HEPHL1: variants seen among roughly 807,000 people sequenced by gnomAD.
The protein encoded by HEPHL1 is ferroxidase HEPHL1.
A neutral mutation model predicts 122.0 loss-of-function variants in HEPHL1; 123 were observed. That is an observed-to-expected ratio of 1.01 (90% confidence interval 0.87 to 1.17). HEPHL1 has a LOEUF of 1.17. Ranked by LOEUF, HEPHL1 falls within the 50% of genes most tolerant of loss-of-function variation. HEPHL1 has a pLI of 0.00. For synonymous variants in HEPHL1, 527 were observed against 508.9 expected, an observed-to-expected ratio of 1.04 and a Z score of -0.48; for missense variants, 1,452 against 1,430.5, an observed-to-expected ratio of 1.01 and a Z score of -0.24.
intron 2 of HEPHL1, among the ~76,000 whole-genome samples, chr11:94,050,632 A>G (rs138108239): frequency 1.3e-5 from 2 of 152,320 alleles, no homozygotes; most frequent in South Asian, 2.1e-4. Flanking sequence ...TGGAGTATCC[A>G]TCACCTCAAG....
chr11:94,057,494 T>C (rs1945948087), intron 2 of HEPHL1, among the ~76,000 whole-genome samples: 1 of 152,176 alleles, frequency 6.6e-6, no homozygotes, highest in African/African-American at 2.4e-5. Flanking sequence ...TAATTTCTAT[T>C]GATCTAGCTT....
intron 2 of HEPHL1, among the ~76,000 whole-genome samples, chr11:94,060,504 A>G (rs1317246703): frequency 1.3e-5 from 2 of 152,224 alleles, no homozygotes; most frequent in East Asian, 1.9e-4. Context: ...AGTCTCAACA[A>G]CTCTTAAGAG....
At chr11:94,087,173 C>G (rs893381670) in intron 11 of HEPHL1, among the ~76,000 whole-genome samples, 1 of 152,004 alleles carries the variant, frequency 6.6e-6, no homozygotes, top group Non-Finnish European at 1.5e-5. Flanking sequence ...ATGAATTACT[C>G]AAATCAAGAG....
intron 9 of HEPHL1, among the ~76,000 whole-genome samples, chr11:94,081,315 G>A (rs948935079): frequency 1.3e-5 from 2 of 152,302 alleles, no homozygotes; most frequent in Non-Finnish European, 2.9e-5. Flanking sequence ...GAGGGAGGAA[G>A]AGCATCAAGA....
At chr11:94,104,833 T>A in intron 16 of HEPHL1, 83 bp downstream of exon 16, 1 of 1,037,644 alleles carries the variant, frequency 9.6e-7, no homozygotes, top group Non-Finnish European at 1.4e-6. Flanking sequence ...CCAGCATCCT[T>A]CTCTGAGCCT....
Position 94,021,375 on chromosome 11 carries a change from C to T in HEPHL1, c.7C>T (p.Arg3Trp), listed in dbSNP as rs570654985. The T allele has an allele frequency of 5.0e-6, 8 of 1,611,356 alleles. No individual in the cohort carries two copies. The highest frequency in any genetic ancestry group is 1.3e-5 in the African/African-American group (1 of 74,924). MP[R>W]KQPAGCIFLL... ...GCTTGAGTTACATCCACAAATGCCT[C>T]GGAAGCAGCCAGCTGGCTGCATCTT... The change falls in exon 1 of 20, where the codon CGG (arginine) becomes TGG (tryptophan). Residue 3 changes from arginine (R) to tryptophan (W), a missense_variant. Physicochemically the swap from Arg to Trp is moderately radical, Grantham distance 101 (BLOSUM62 -3). Transcript: ENST00000315765.
chr11:94,095,081 C>G (rs186549563), intron 13 of HEPHL1, among the ~76,000 whole-genome samples: 1 of 152,194 alleles, frequency 6.6e-6, no homozygotes, highest in Non-Finnish European at 1.5e-5. Context: ...ATACCTATGT[C>G]CTGAGTAGTA....
At chr11:94,085,264 G>C (rs184462196) in intron 10 of HEPHL1, among the ~76,000 whole-genome samples, 9 of 152,130 alleles carry the variant, frequency 5.9e-5, no homozygotes, top group Non-Finnish European at 1.3e-4. Context: ...TGATGTCAAA[G>C]ATAAAAACAA....
Position 94,088,795 on chromosome 11 carries a change from G to A in HEPHL1, c.2121G>A (p.Ser707=). ...TTTGTGCCACCATGCCCCACCTCTC[G>A]AGAGGCATGGGTCAGATCTATGAGG... ...RVFCATMPHL[S]RGMGQIYEVS... is the part of the protein sequence containing the mutation. Residue 707 remains serine, a synonymous_variant, in exon 12 of 20, where the codon TCG becomes TCA. Coordinates refer to ENST00000315765, the MANE Select transcript of HEPHL1 (RefSeq NM_001098672.2). 6.2e-7 allele frequency: 1 copy of A among 1,613,892 alleles called. No individual in the cohort carries two copies. The highest frequency in any genetic ancestry group is 2.2e-5 in the East Asian group (1 of 44,880).
intron 17 of HEPHL1, among the ~76,000 whole-genome samples, chr11:94,107,443 ATATT>A (rs1946417923): frequency 6.6e-6 from 1 of 152,240 alleles, no homozygotes; most frequent in African/African-American, 2.4e-5. Flanking sequence ...ACAATTCACC[ATATT>A]TAGTGTACAG....
intron 2 of HEPHL1, among the ~76,000 whole-genome samples, chr11:94,059,254 G>T (rs888490292): frequency 6.6e-6 from 1 of 152,074 alleles, no homozygotes; most frequent in African/African-American, 2.4e-5. Context: ...TTTAACAATT[G>T]TGCAATATCC....
intron 1 of HEPHL1, among the ~76,000 whole-genome samples, chr11:94,025,329 G>T (rs767769613): frequency 6.6e-4 from 100 of 152,234 alleles, no homozygotes; most frequent in Admixed American, 1.3e-4. Context: ...GTTGCCTGGG[G>T]ATGGTGTCAG....
rs71036310 is a variant in HEPHL1 at position 94,093,971 on chromosome 11, G to GATAGATATAT, written c.2434+334_2434+335insGATATATATA. Among the ~76,000 whole-genome samples the GATAGATATAT allele has an allele frequency of 1.4e-3, 100 of 72,722 alleles. 1 individual carries two copies. Among genetic ancestry groups the GATAGATATAT allele is most frequent in the Non-Finnish European group, 1.6e-3 (56 of 35,364 alleles). 47.7% of individuals were successfully genotyped at this position (72,722 alleles called of 152,430 possible). A position where few individuals can be genotyped will look rare whatever the true frequency, so the allele number is the denominator to read the frequency against. ...AAATTTTCTTTTAAATCCTCCAGCA[G>GATAGATATAT]ATATATATATATATATATATATATA... On this transcript the variant is annotated intron_variant, in intron 13 of 19. Transcript: ENST00000315765.
intron 9 of HEPHL1, among the ~76,000 whole-genome samples, chr11:94,078,803 A>G (rs1946146936): frequency 6.6e-6 from 1 of 152,116 alleles, no homozygotes; most frequent in Admixed American, 6.5e-5. Flanking sequence ...CATGTCGGGA[A>G]GTACAATCAG....
chr11:94,095,754 G>C (rs183654836), intron 13 of HEPHL1, among the ~76,000 whole-genome samples: 1 of 152,236 alleles, frequency 6.6e-6, no homozygotes, highest in Admixed American at 6.5e-5. Flanking sequence ...TTGTAAGTTG[G>C]ATTCCTAGGT....
intron 1 of HEPHL1, among the ~76,000 whole-genome samples, chr11:94,030,417 G>T (rs974196033): frequency 3.3e-5 from 5 of 152,136 alleles, no homozygotes; most frequent in African/African-American, 1.2e-4. Flanking sequence ...TATTATTATT[G>T]CTTACATAAA....
chr11:94,024,195 T>G (rs1320434028), intron 1 of HEPHL1, among the ~76,000 whole-genome samples: 1 of 152,186 alleles, frequency 6.6e-6, no homozygotes. Flanking sequence ...TGCTCAGAAT[T>G]CCACCATGAA....
intron 1 of HEPHL1, among the ~76,000 whole-genome samples, chr11:94,034,502 T>C (rs1031275281): frequency 6.6e-6 from 1 of 152,194 alleles, no homozygotes; most frequent in Non-Finnish European, 1.5e-5. Context: ...TTTTGATCTA[T>C]AGTGTTTTTC....
At chr11:94,094,673 T>A (rs2134447203) in intron 13 of HEPHL1, among the ~76,000 whole-genome samples, 1 of 152,332 alleles carries the variant, frequency 6.6e-6, no homozygotes, top group East Asian at 1.9e-4. Flanking sequence ...GTTTCCTGAC[T>A]TTTTAATGAT....
Sources: gnomAD v4.1 joint callset for allele counts (sites outside exome capture counted in the v4.1 genomes callset) on GRCh38, gnomAD v4.1.1 for gene constraint, MANE v1.5 for transcripts, NCBI Gene and HGNC (gene_info 2026-07-23, HGNC 2026-07-21) for gene names.